Variants in PPP2R2C observed in about 807,000 individuals in gnomAD.
The protein encoded by PPP2R2C is protein phosphatase 2, regulatory subunit B, gamma.
PPP2R2C carries 10 observed loss-of-function variants against 45.3 expected under a neutral mutation model. The observed-to-expected ratio is 0.22, with a 90% CI of 0.14 to 0.37. The LOEUF (loss-of-function observed/expected upper bound fraction) is 0.37. Ranked by LOEUF, PPP2R2C falls within the 10% of genes least tolerant of loss-of-function variation. PPP2R2C has a pLI of 1.00. For missense variants in PPP2R2C, 308 were observed against 619.7 expected, an observed-to-expected ratio of 0.50 and a Z score of 5.34; for synonymous variants, 257 against 245.4, an observed-to-expected ratio of 1.05 and a Z score of -0.44.
intron 1 of PPP2R2C, among the ~76,000 whole-genome samples, chr4:6,544,435 T>C (rs1203659636): frequency 6.6e-6 from 1 of 152,192 alleles, no homozygotes; most frequent in Non-Finnish European, 1.5e-5. Flanking sequence ...CCCAAACTCC[T>C]GGGCTCAAGT....
intron 6 of PPP2R2C, among the ~76,000 whole-genome samples, chr4:6,346,656 G>A (rs150835342): frequency 3.2e-4 from 49 of 152,336 alleles, no homozygotes; most frequent in Non-Finnish European, 5.3e-4. Flanking sequence ...GAGATGAGGG[G>A]GTGGATGTGG....
chr4:6,443,123 T>C (rs1404950533), intron 1 of PPP2R2C, among the ~76,000 whole-genome samples: 1 of 152,170 alleles, frequency 6.6e-6, no homozygotes, highest in Admixed American at 6.5e-5. Context: ...CCTCAGTTTT[T>C]TTAAACCTCT....
chr4:6,427,031 AG>A (rs1193604909), intron 1 of PPP2R2C, among the ~76,000 whole-genome samples: 6 of 152,230 alleles, frequency 3.9e-5, no homozygotes, highest in Non-Finnish European at 8.8e-5. Context: ...GGCACATCCA[AG>A]GGGGATGCTG....
intron 1 of PPP2R2C, among the ~76,000 whole-genome samples, chr4:6,420,344 C>T (rs141290191): frequency 5.3e-5 from 8 of 150,380 alleles, no homozygotes; most frequent in African/African-American, 1.9e-4. Context: ...ATTCACCGTA[C>T]ATGAATCAAA....
At chr4:6,537,731 T>C (rs1724678862) in intron 1 of PPP2R2C, among the ~76,000 whole-genome samples, 1 of 152,040 alleles carries the variant, frequency 6.6e-6, no homozygotes, top group South Asian at 2.1e-4. Context: ...TTTGTATTTT[T>C]AGAAGAGACG....
chr4:6,348,745 A>T, intron 5 of PPP2R2C: 6 of 967,294 alleles, frequency 6.2e-6, no homozygotes, highest in Non-Finnish European at 7.4e-6. Flanking sequence ...GAAACCCTGG[A>T]GCTTGAGGGT....
intron 1 of PPP2R2C, among the ~76,000 whole-genome samples, chr4:6,434,243 G>T (rs1307880476): frequency 1.3e-5 from 2 of 151,900 alleles, no homozygotes. Context: ...AATAATTTAT[G>T]TAAACAGTCC....
In PPP2R2C at chr4:6,511,109, TTCA is replaced by T. The variant is rs372694232; in HGVS notation, c.49+24159_49+24161del. Reference sequence around the variant, plus strand: ...CTGAATTTGTCCTTCTCTTAATTTCTTCATCTGTAACATGGAGATAATAATCGC... The same window carrying T: ...CTGAATTTGTCCTTCTCTTAATTTCTTCTGTAACATGGAGATAATAATCGC... On this transcript the variant is annotated intron_variant, in intron 2 of 9. Transcript: ENST00000506140. Among the ~76,000 whole-genome samples the T allele has an allele frequency of 3.9e-4, 59 of 152,360 alleles. 1 individual carries two copies. In the East Asian group the frequency reaches 0.011, roughly 27 times the overall value.
chr4:6,349,016 C>A (rs560361355), intron 5 of PPP2R2C: 4 of 985,288 alleles, frequency 4.1e-6, no homozygotes, highest in Admixed American at 6.1e-5. Context: ...ACAACCTCCC[C>A]GGCCCCAGCA....
intron 1 of PPP2R2C, among the ~76,000 whole-genome samples, chr4:6,386,187 C>G (rs1716194238): frequency 6.6e-6 from 1 of 152,182 alleles, no homozygotes; most frequent in Non-Finnish European, 1.5e-5. Flanking sequence ...TGCAGGCGGT[C>G]AGCAATTGGG....
chr4:6,452,108 G>A (rs1304390845), intron 1 of PPP2R2C, among the ~76,000 whole-genome samples: 1 of 152,136 alleles, frequency 6.6e-6, no homozygotes, highest in Non-Finnish European at 1.5e-5. Context: ...GGGGAGGACA[G>A]GGCTGGGAGT....
intron 5 of PPP2R2C, among the ~76,000 whole-genome samples, chr4:6,359,953 C>T: frequency 6.6e-6 from 1 of 152,248 alleles, no homozygotes; most frequent in East Asian, 1.9e-4. Context: ...CAAAGCACTC[C>T]ACAAACGCCA....
rs202230190 is a variant in PPP2R2C, at chr4:6,435,869, C to G, written c.70+36291G>C. ...TTCCCTGATTTCACTTTGTGCAAAA[C>G]TAGATCTGGGAAGGCTCCCACACCA... On this transcript the variant is annotated intron_variant, in intron 1 of 8. Coordinates refer to ENST00000382599, the MANE Select transcript of PPP2R2C (RefSeq NM_020416.4). Among the ~76,000 whole-genome samples, 3 of 152,270 alleles carry G rather than the reference C, an allele frequency of 2.0e-5. No individual in the cohort carries two copies. The East Asian group carries it at 5.8e-4, about 29-fold the overall frequency.
chr4:6,472,734 C>G (rs1474408519), upstream of PPP2R2C, among the ~76,000 whole-genome samples: 2 of 150,938 alleles, frequency 1.3e-5, no homozygotes, highest in Non-Finnish European at 1.5e-5. Context: ...CACCGCCGTG[C>G]TCGGGCCCTC....
At chr4:6,426,413 G>A (rs1014731589) in intron 1 of PPP2R2C, among the ~76,000 whole-genome samples, 1 of 152,212 alleles carries the variant, frequency 6.6e-6, no homozygotes, top group Non-Finnish European at 1.5e-5. Flanking sequence ...GTGGGACTAG[G>A]GATGGAGAGA....
intron 6 of PPP2R2C, among the ~76,000 whole-genome samples, chr4:6,337,629 G>C (rs58286445): frequency 0.062 from 9,504 of 152,208 alleles, 1,028 homozygotes; most frequent in African/African-American, 0.22. Flanking sequence ...CAGGACTTGC[G>C]GGTGGATTCA....
At chr4:6,446,213 G>A (rs1720410044) in intron 1 of PPP2R2C, among the ~76,000 whole-genome samples, 2 of 152,114 alleles carry the variant, frequency 1.3e-5, no homozygotes, top group Non-Finnish European at 2.9e-5. Flanking sequence ...TCTAGAACTC[G>A]GAGCTGCCCC....
At chr4:6,459,859 A>G (rs1721237593) in intron 1 of PPP2R2C, among the ~76,000 whole-genome samples, 1 of 152,176 alleles carries the variant, frequency 6.6e-6, no homozygotes, top group South Asian at 2.1e-4. Flanking sequence ...AGTCGCCACT[A>G]GCAATGCTCT....
chr4:6,414,887 G>A (rs1468356492), intron 1 of PPP2R2C, among the ~76,000 whole-genome samples: 1 of 152,194 alleles, frequency 6.6e-6, no homozygotes, highest in African/African-American at 2.4e-5. Context: ...GCCTGTGGAT[G>A]CTCACCACAT....
Sources: gnomAD v4.1 joint callset for allele counts (sites outside exome capture counted in the v4.1 genomes callset) on GRCh38, gnomAD v4.1.1 for gene constraint, MANE v1.5 for transcripts, NCBI Gene and HGNC (gene_info 2026-07-23, HGNC 2026-07-21) for gene names.